Variants in PHLPP1 observed in about 807,000 individuals in gnomAD.
The protein encoded by PHLPP1 is PH domain and leucine rich repeat protein phosphatase 1.
A neutral mutation model predicts 117.2 loss-of-function variants in PHLPP1; 42 were observed. The ratio of observed to expected loss-of-function variants is 0.36; its 90% CI spans 0.28 to 0.46. The LOEUF (loss-of-function observed/expected upper bound fraction) is 0.46, where lower values mean the gene tolerates loss of function less well. PHLPP1 is among the 20% of genes least tolerant of loss of function. The pLI is 1.00. For synonymous variants in PHLPP1, 1,042 were observed against 970.7 expected, an observed-to-expected ratio of 1.07 and a Z score of -1.37; for missense variants, 2,084 against 2,241.9, an observed-to-expected ratio of 0.93 and a Z score of 1.42.
At chr18:62,897,022 C>T (rs1254555934) in intron 6 of PHLPP1, among the ~76,000 whole-genome samples, 2 of 152,206 alleles carry the variant, frequency 1.3e-5, no homozygotes, top group East Asian at 3.8e-4. Context: ...TGTTAACTTG[C>T]TTTCTAAATT....
At chr18:62,948,571 C>T (rs538808893) in intron 12 of PHLPP1, among the ~76,000 whole-genome samples, 1 of 151,994 alleles carries the variant, frequency 6.6e-6, no homozygotes, top group East Asian at 1.9e-4. Flanking sequence ...GGTTGATTTT[C>T]CCCCCAGCTA....
intron 1 of PHLPP1, among the ~76,000 whole-genome samples, chr18:62,749,787 G>A (rs1470902238): frequency 1.3e-5 from 2 of 152,174 alleles, no homozygotes; most frequent in African/African-American, 4.8e-5. Flanking sequence ...AAGCCGAAGC[G>A]GGTGGGTCAC....
chr18:62,943,599 C>T (rs1182111916), intron 11 of PHLPP1, among the ~76,000 whole-genome samples: 1 of 152,122 alleles, frequency 6.6e-6, no homozygotes. Flanking sequence ...CATTGTGTCA[C>T]ATGGTGAGAG....
At chr18:62,900,752 A>G (rs1916704017) in intron 6 of PHLPP1, among the ~76,000 whole-genome samples, 1 of 152,172 alleles carries the variant, frequency 6.6e-6, no homozygotes, top group South Asian at 2.1e-4. Context: ...ACACCCTGCC[A>G]TAATATATTG....
At chr18:62,781,853 A>G (rs1334095319) in intron 1 of PHLPP1, among the ~76,000 whole-genome samples, 1 of 152,196 alleles carries the variant, frequency 6.6e-6, no homozygotes, top group Non-Finnish European at 1.5e-5. Context: ...AGCTTGGAAT[A>G]CATATGAGAA....
At chr18:62,857,778 C>T (rs971593247) in intron 3 of PHLPP1, among the ~76,000 whole-genome samples, 2 of 152,228 alleles carry the variant, frequency 1.3e-5, no homozygotes, top group African/African-American at 4.8e-5. Flanking sequence ...ACCCTCTCCT[C>T]TTGATGTGTA....
At chr18:62,914,304 A>T (rs936703002) in intron 8 of PHLPP1, among the ~76,000 whole-genome samples, 2 of 152,240 alleles carry the variant, frequency 1.3e-5, no homozygotes, top group African/African-American at 2.4e-5. Context: ...TTTATGTTCA[A>T]TATAACACAT....
intron 9 of PHLPP1, among the ~76,000 whole-genome samples, chr18:62,917,166 T>C (rs1909312516): frequency 6.7e-6 from 1 of 148,422 alleles, no homozygotes; most frequent in South Asian, 2.1e-4. Context: ...TTTTATATAT[T>C]TTTTATATTT....
intron 1 of PHLPP1, among the ~76,000 whole-genome samples, chr18:62,746,398 C>G (rs1457404146): frequency 2.6e-5 from 4 of 152,148 alleles, no homozygotes; most frequent in Non-Finnish European, 5.9e-5. Context: ...TTCTTGTGTT[C>G]CTGCTGCTGT....
chr18:62,853,360 T>A (rs1399773778), intron 3 of PHLPP1, among the ~76,000 whole-genome samples: 1 of 151,974 alleles, frequency 6.6e-6, no homozygotes, highest in Admixed American at 6.6e-5. Context: ...TTCTTTTTTT[T>A]TTTTGTTCTT....
intron 10 of PHLPP1, among the ~76,000 whole-genome samples, chr18:62,929,203 A>G (rs772829670): frequency 4.6e-5 from 7 of 152,200 alleles, no homozygotes; most frequent in Non-Finnish European, 1.0e-4. Context: ...CTGTGCACCC[A>G]TGATCCCTTC....
chr18:62,732,813 T>C (rs931612050), intron 1 of PHLPP1, among the ~76,000 whole-genome samples: 2 of 152,158 alleles, frequency 1.3e-5, no homozygotes, highest in African/African-American at 4.8e-5. Flanking sequence ...TGGATGATAA[T>C]GAGGAGTTCA....
chr18:62,812,269 T>G (rs1037660127), intron 1 of PHLPP1, among the ~76,000 whole-genome samples: 11 of 152,162 alleles, frequency 7.2e-5, no homozygotes, highest in African/African-American at 2.7e-4. Flanking sequence ...ATTTTTATTT[T>G]ATTATGTACT....
intron 13 of PHLPP1, among the ~76,000 whole-genome samples, chr18:62,962,598 C>T (rs768799238): frequency 5.3e-5 from 8 of 152,202 alleles, no homozygotes; most frequent in South Asian, 2.1e-4. Flanking sequence ...CGTGAGCCAC[C>T]GCGCCTGGCA....
intron 4 of PHLPP1, among the ~76,000 whole-genome samples, chr18:62,862,336 C>T (rs1915654091): frequency 6.6e-6 from 1 of 152,050 alleles, no homozygotes; most frequent in African/African-American, 2.4e-5. Flanking sequence ...CCACCTTGAC[C>T]TCCCAAAGTG....
rs190388740 is a variant in PHLPP1 at position 62,804,775 on chromosome 18, G to A, written c.1577-25260G>A. 3.0e-3 allele frequency among the ~76,000 whole-genome samples: 444 copies of A among 147,472 alleles called. 8 individuals are homozygous for A. Among genetic ancestry groups the A allele is most frequent in the Admixed American group, 0.025 (366 of 14,640 alleles). On this transcript the variant is annotated intron_variant, in intron 1 of 16. Transcript: ENST00000262719. ...CTGGTATAATATACAGTGTGTGTGT[G>A]TATATATGTAAACACACATATACAT...
At chr18:62,731,404 G>A (rs1911223563) in intron 1 of PHLPP1, 1 of 151,952 alleles carries the variant, frequency 6.6e-6, no homozygotes, top group Admixed American at 6.6e-5. Context: ...TAATTGTTTT[G>A]GGGCATCACA....
chr18:62,876,720 A>G (rs1916058821), intron 4 of PHLPP1, among the ~76,000 whole-genome samples: 1 of 152,232 alleles, frequency 6.6e-6, no homozygotes, highest in African/African-American at 2.4e-5. Context: ...ATGATTATTG[A>G]TCAACCACAT....
rs1205467365 is a variant in PHLPP1 at position 62,980,337 on chromosome 18, C to CCATTAG, written c.*907_*912dup. 6.6e-6 allele frequency: 1 copy of CCATTAG among 152,544 alleles called. No homozygotes were observed. The highest frequency in any genetic ancestry group is 1.5e-5 in the Non-Finnish European group (1 of 68,030). 9.4% of individuals were successfully genotyped at this position (152,544 alleles called of 1,614,324 possible). A position where few individuals can be genotyped will look rare whatever the true frequency, so the allele number is the denominator to read the frequency against. ...ACAATCAGCATGGTTGTATAGTGCCCCATTAGGCCATTTACATACCCAGAG... is the reference window on the plus strand; with the variant it reads ...ACAATCAGCATGGTTGTATAGTGCCCCATTAGCATTAGGCCATTTACATACCCAGAG... On this transcript the variant is annotated 3_prime_UTR_variant, in exon 17 of 17. Coordinates refer to ENST00000262719, the MANE Select transcript of PHLPP1 (RefSeq NM_194449.4).
Sources: allele counts gnomAD v4.1 joint callset (sites outside exome capture counted in the v4.1 genomes callset), GRCh38; gene constraint gnomAD v4.1.1; transcripts MANE v1.5; gene names NCBI Gene and HGNC (gene_info 2026-07-23, HGNC 2026-07-21).